The following CACNA2D3 variants were observed in gnomAD, a reference collection of about 807,000 sequenced individuals.
CACNA2D3 encodes calcium voltage-gated channel auxiliary subunit alpha2delta 3.
In CACNA2D3, 60 loss-of-function variants were observed where a neutral mutation model predicts 160.6. The ratio of observed to expected loss-of-function variants is 0.37; its 90% CI spans 0.30 to 0.46. The LOEUF (loss-of-function observed/expected upper bound fraction) is 0.46. CACNA2D3 is among the 20% of genes least tolerant of loss of function. CACNA2D3 has a pLI of 1.00. For synonymous variants in CACNA2D3, 558 were observed against 492.9 expected (o/e 1.13, Z -1.75); for missense variants, 1,205 against 1,365.0 (o/e 0.88, Z 1.85).
Position 54,440,755 on chromosome 3 carries a change from C to T in CACNA2D3, c.381+53981C>T, listed in dbSNP as rs573208059. 1.1e-3 allele frequency among the ~76,000 whole-genome samples: 160 copies of T among 152,074 alleles called. 2 individuals carry two copies. The highest frequency in any genetic ancestry group is 0.01 in the Middle Eastern group (3 of 294). On this transcript the variant is annotated intron_variant, in intron 4 of 37. Coordinates refer to ENST00000474759, the MANE Select transcript of CACNA2D3 (RefSeq NM_018398.3). ...TGCGGTGTTTGGTTTTTTGTCCTTG[C>T]GATAGTTTGCTGAGAATGATGGTTT... is the stretch of plus-strand genomic sequence containing the variant.
chr3:54,810,754 C>A (rs1256678118), intron 13 of CACNA2D3, among the ~76,000 whole-genome samples: 1 of 152,146 alleles, frequency 6.6e-6, no homozygotes, highest in South Asian at 2.1e-4. Context: ...AGGGTCCACT[C>A]AAGTTTGGAA....
At chr3:54,762,501 C>A (rs569398331) in intron 12 of CACNA2D3, among the ~76,000 whole-genome samples, 93 of 152,300 alleles carry the variant, frequency 6.1e-4, no homozygotes, top group African/African-American at 2.2e-3. Flanking sequence ...TTACTCAGAA[C>A]TGCCAGGCCC....
intron 2 of CACNA2D3, among the ~76,000 whole-genome samples, chr3:54,129,588 T>C (rs538153338): frequency 1.1e-3 from 174 of 152,356 alleles, no homozygotes; most frequent in African/African-American, 4.0e-3. Flanking sequence ...AATGGATGGC[T>C]GTTCCTTCAC....
chr3:54,356,234 G>A (rs1698647035), intron 3 of CACNA2D3, among the ~76,000 whole-genome samples: 2 of 152,182 alleles, frequency 1.3e-5, no homozygotes, highest in Admixed American at 6.5e-5. Flanking sequence ...ATAAAACTGA[G>A]TTGAGCTTAT....
intron 8 of CACNA2D3, among the ~76,000 whole-genome samples, chr3:54,574,114 C>T (rs1444832745): frequency 6.6e-6 from 1 of 152,134 alleles, no homozygotes; most frequent in Non-Finnish European, 1.5e-5. Context: ...TATCATTTCA[C>T]CCTCCATTAC....
At chr3:54,887,099 CT>C (rs1472786248) in intron 23 of CACNA2D3, among the ~76,000 whole-genome samples, 1 of 152,078 alleles carries the variant, frequency 6.6e-6, no homozygotes, top group African/African-American at 2.4e-5. Context: ...CCAAGAGTCC[CT>C]TTGGATGGCA....
At chr3:54,863,732 AT>A (rs1416423062) in intron 17 of CACNA2D3, among the ~76,000 whole-genome samples, 1 of 151,912 alleles carries the variant, frequency 6.6e-6, no homozygotes, top group East Asian at 1.9e-4. Flanking sequence ...TAAAAAAAAA[AT>A]ACCAAAGCTG....
At chr3:54,618,375 G>GCGCA (rs371335711) in intron 9 of CACNA2D3, among the ~76,000 whole-genome samples, 4 of 115,514 alleles carry the variant, frequency 3.5e-5, no homozygotes, top group South Asian at 3.2e-4. Context: ...ATATATATAT[G>GCGCA]CACACACACA....
chr3:54,646,184 C>CTCCCTCCTTGCTTCCTTCCT (rs1699642449), intron 11 of CACNA2D3, among the ~76,000 whole-genome samples: 1 of 14,904 alleles, frequency 6.7e-5, no homozygotes, highest in African/African-American at 2.1e-4. Flanking sequence ...CCCTCCCTCC[C>CTCCCTCCTTGCTTCCTTCCT]TCCTTCCTTG....
intron 2 of CACNA2D3, among the ~76,000 whole-genome samples, chr3:54,144,165 C>T (rs1320290153): frequency 6.6e-6 from 1 of 152,180 alleles, no homozygotes; most frequent in East Asian, 1.9e-4. Context: ...TGCATTTTCT[C>T]CCAACTGTAT....
intron 2 of CACNA2D3, among the ~76,000 whole-genome samples, chr3:54,227,892 G>T (rs1015515164): frequency 2.0e-5 from 3 of 152,130 alleles, no homozygotes; most frequent in Non-Finnish European, 4.4e-5. Context: ...CTTTCATGAA[G>T]CTTGACAGAA....
chr3:54,250,481 T>G (rs1428194194), intron 2 of CACNA2D3, among the ~76,000 whole-genome samples: 3 of 152,212 alleles, frequency 2.0e-5, no homozygotes, highest in African/African-American at 7.2e-5. Context: ...TCACCTAGAC[T>G]GGAGTGCGGT....
intron 21 of CACNA2D3, among the ~76,000 whole-genome samples, chr3:54,883,818 TCTCTC>T (rs961764802): frequency 7.0e-5 from 10 of 142,996 alleles, no homozygotes; most frequent in Non-Finnish European, 1.1e-4. Flanking sequence ...TCTCTCTCTC[TCTCTC>T]CTCTCTCTCC....
intron 27 of CACNA2D3, chr3:54,924,717 A>C (rs748609716): frequency 3.1e-6 from 5 of 1,614,132 alleles, no homozygotes; most frequent in Non-Finnish European, 4.2e-6. Flanking sequence ...CACACTGGGC[A>C]TGGATTCCAG....
At chr3:54,126,720 A>G (rs1699600917) in intron 2 of CACNA2D3, among the ~76,000 whole-genome samples, 1 of 152,146 alleles carries the variant, frequency 6.6e-6, no homozygotes, top group African/African-American at 2.4e-5. Flanking sequence ...AGATGCTGTG[A>G]GAGAATAGCA....
chr3:54,629,917 G>A (rs1416777486), intron 10 of CACNA2D3, among the ~76,000 whole-genome samples: 1 of 152,214 alleles, frequency 6.6e-6, no homozygotes, highest in Non-Finnish European at 1.5e-5. Flanking sequence ...GAAGGAGAAA[G>A]GGTTAGGAGA....
chr3:54,234,560 A>C lies in CACNA2D3; in HGVS notation c.205-85882A>C, dbSNP rs1475019750. Among the ~76,000 whole-genome samples, 4 of 152,200 alleles carry C rather than the reference A, an allele frequency of 2.6e-5. No homozygotes were observed. The East Asian group carries it at 7.7e-4, about 29-fold the overall frequency. On this transcript the variant is annotated intron_variant, in intron 2 of 37. Transcript: ENST00000474759. ...TCTACCATAAAGGCACATGCATGCA[A>C]ATGTTCATTACAGCACTATTCACAG...
intron 4 of CACNA2D3, among the ~76,000 whole-genome samples, chr3:54,409,063 A>G (rs1272256831): frequency 6.6e-6 from 1 of 152,202 alleles, no homozygotes; most frequent in East Asian, 1.9e-4. Flanking sequence ...AAATACAGAT[A>G]TGCTTCATTT....
At chr3:54,680,243 A>G (rs961305546) in intron 11 of CACNA2D3, among the ~76,000 whole-genome samples, 1 of 152,202 alleles carries the variant, frequency 6.6e-6, no homozygotes, top group Non-Finnish European at 1.5e-5. Flanking sequence ...AAAGATATAC[A>G]TTCACCTAAT....
Sources: allele counts gnomAD v4.1 joint callset (sites outside exome capture counted in the v4.1 genomes callset), GRCh38; gene constraint gnomAD v4.1.1; transcripts MANE v1.5; gene names NCBI Gene and HGNC (gene_info 2026-07-23, HGNC 2026-07-21).